Variants in MOBP observed in about 807,000 individuals in gnomAD.
MOBP encodes myelin associated oligodendrocyte basic protein.
MOBP carries 5 observed loss-of-function variants against 15.0 expected under a neutral mutation model. The ratio of observed to expected loss-of-function variants is 0.33; its 90% CI spans 0.17 to 0.70. MOBP has a LOEUF of 0.70. MOBP is among the 30% of genes least tolerant of loss of function. The pLI, the probability that MOBP is intolerant of heterozygous loss-of-function variation, is 0.67. For synonymous variants in MOBP, 88 were observed against 99.0 expected (o/e 0.89, Z 0.66); for missense variants, 188 against 257.8 (o/e 0.73, Z 1.85).
At position 39,509,001 on chromosome 3, in the gene MOBP, A is replaced by C. The variant is rs564508434; in HGVS notation, c.*-4382A>C. On this transcript the variant is annotated intron_variant, in intron 4 of 4. Coordinates refer to the MOBP transcript ENST00000311042. ...ATGTATATAGTATATATACATATGC[A>C]TCCATATAGTCTCTCTCTATATATG... is the stretch of plus-strand genomic sequence containing the variant. Among the ~76,000 whole-genome samples, 28 of 152,256 alleles carry C rather than the reference A, an allele frequency of 1.8e-4. No homozygotes were observed. The South Asian group carries it at 3.5e-3, about 19-fold the overall frequency.
chr3:39,508,913 C>G (rs9874935), intron 4 of MOBP, among the ~76,000 whole-genome samples: 7,384 of 152,082 alleles, frequency 0.049, 639 homozygotes, highest in African/African-American at 0.17. Flanking sequence ...GTCTTATACC[C>G]CTGGGAAAAC....
intron 2 of MOBP, 72 bp from the exon 3 acceptor site, chr3:39,501,994 C>G: frequency 7.6e-7 from 1 of 1,315,986 alleles, no homozygotes; most frequent in East Asian, 2.3e-5. Context: ...CAGGGGGCTT[C>G]CAGAGTAGAG....
At chr3:39,472,661 C>T (rs568085) in intron 1 of MOBP, among the ~76,000 whole-genome samples, 41,653 of 152,140 alleles carry the variant, frequency 0.27, 7,265 homozygotes, top group African/African-American at 0.49. Context: ...CATGGTGGCT[C>T]ATGCCTGTAA....
At chr3:39,499,237 G>T (rs1048178311) in intron 2 of MOBP, among the ~76,000 whole-genome samples, 3 of 152,074 alleles carry the variant, frequency 2.0e-5, no homozygotes, top group Admixed American at 1.3e-4. Context: ...GCTGAACTTC[G>T]CGACCTATGT....
intron 1 of MOBP, among the ~76,000 whole-genome samples, chr3:39,475,870 C>G (rs2042538618): frequency 6.6e-6 from 1 of 151,900 alleles, no homozygotes. Flanking sequence ...GGACACTTTA[C>G]CAGTGTAGCC....
intron 2 of MOBP, among the ~76,000 whole-genome samples, chr3:39,487,847 G>T (rs2042740194): frequency 6.6e-6 from 1 of 152,066 alleles, no homozygotes; most frequent in Non-Finnish European, 1.5e-5. Context: ...TCCTTTGATT[G>T]TTGGTCCTTT....
chr3:39,485,975 A>T, intron 2 of MOBP, among the ~76,000 whole-genome samples: 1 of 152,182 alleles, frequency 6.6e-6, no homozygotes, highest in East Asian at 1.9e-4. Context: ...TAATGTAAAC[A>T]TCCTGGTTAC....
intron 1 of MOBP, among the ~76,000 whole-genome samples, chr3:39,471,996 G>A (rs1208894981): frequency 1.3e-5 from 2 of 152,220 alleles, no homozygotes; most frequent in Admixed American, 1.3e-4. Context: ...CTACTATAGA[G>A]AACCTTGTGG....
At chr3:39,470,514 C>T (rs2042454943) in intron 1 of MOBP, among the ~76,000 whole-genome samples, 1 of 152,072 alleles carries the variant, frequency 6.6e-6, no homozygotes. Flanking sequence ...ATGATATAAG[C>T]CTATTGAATT....
chr3:39,484,023 ACT>A (rs1196561637), intron 2 of MOBP, among the ~76,000 whole-genome samples: 2 of 152,088 alleles, frequency 1.3e-5, no homozygotes, highest in Non-Finnish European at 2.9e-5. Flanking sequence ...TCAGACAGAA[ACT>A]CTGTCCTCAA....
intron 3 of MOBP, among the ~76,000 whole-genome samples, chr3:39,522,388 T>C (rs144199148): frequency 1.1e-4 from 16 of 152,370 alleles, no homozygotes; most frequent in Non-Finnish European, 1.6e-4. Context: ...ACCACTAGAA[T>C]GTAAACCTCA....
In MOBP at chr3:39,502,405, G is replaced by C. The variant is rs2042985470; in HGVS notation, c.206+130G>C. 1 of 1,527,912 alleles carries C rather than the reference G, an allele frequency of 6.5e-7. No individual in the cohort carries two copies. The highest frequency in any genetic ancestry group is 1.4e-5 in the African/African-American group (1 of 73,290). The allele number at this position is 1,527,912 out of a possible 1,614,324, so 94.6% of individuals were successfully genotyped here. ...CCGGGTTAGGCTCCGACACCGGAAG[G>C]CACTCCAGGGAGACTGGAAGGTGGG... On this transcript the variant is annotated intron_variant, in intron 3 of 3. Transcript: ENST00000684792. This position sits in a 1 kb window ranked among gnomAD's most constrained non-coding sequence, Gnocchi z 6.3.
intron 2 of MOBP, among the ~76,000 whole-genome samples, chr3:39,484,342 G>C (rs966529399): frequency 6.6e-6 from 1 of 152,192 alleles, no homozygotes; most frequent in Non-Finnish European, 1.5e-5. Context: ...GGGTCTATGT[G>C]CCGTATTAAT....
At chr3:39,522,332 C>T (rs2043279183) in intron 3 of MOBP, among the ~76,000 whole-genome samples, 1 of 152,224 alleles carries the variant, frequency 6.6e-6, no homozygotes, top group South Asian at 2.1e-4. Flanking sequence ...TCACTATTTG[C>T]ATTTGCTCTT....
chr3:39,497,098 G>A (rs2042898972), intron 2 of MOBP, among the ~76,000 whole-genome samples: 1 of 152,138 alleles, frequency 6.6e-6, no homozygotes, highest in Non-Finnish European at 1.5e-5. Context: ...CCACCGCACT[G>A]GGCATATTAT....
At chr3:39,519,118 G>T (rs1024939315), downstream of MOBP, among the ~76,000 whole-genome samples, 2 of 152,172 alleles carry the variant, frequency 1.3e-5, no homozygotes, top group African/African-American at 4.8e-5. Context: ...AAATCTTGAT[G>T]CAGGAAGAAG....
At chr3:39,493,835 C>A (rs560527216) in intron 2 of MOBP, among the ~76,000 whole-genome samples, 14 of 152,240 alleles carry the variant, frequency 9.2e-5, no homozygotes, top group African/African-American at 2.9e-4. Context: ...ATTTGCTGTG[C>A]AACTGTTGAG....
chr3:39,489,242 A>G (rs2042759101), intron 2 of MOBP, among the ~76,000 whole-genome samples: 1 of 152,142 alleles, frequency 6.6e-6, no homozygotes, highest in Non-Finnish European at 1.5e-5. Context: ...TCTCATTGCT[A>G]TATTGTCTCC....
intron 2 of MOBP, among the ~76,000 whole-genome samples, 159 bp downstream of exon 2, chr3:39,480,282 C>T (rs1457986588): frequency 6.6e-6 from 1 of 152,130 alleles, no homozygotes; most frequent in East Asian, 1.9e-4. Flanking sequence ...GTCCACATGG[C>T]TCACCCTATT....
Sources: gnomAD v4.1 joint callset for allele counts (sites outside exome capture counted in the v4.1 genomes callset) on GRCh38, gnomAD v4.1.1 for gene constraint, Gnocchi (gnomAD v3.1) non-coding constraint, MANE v1.5 for transcripts, NCBI Gene and HGNC (gene_info 2026-07-23, HGNC 2026-07-21) for gene names.